The following EEF2KMT variants were observed in gnomAD, a reference collection of about 807,000 sequenced individuals.
EEF2KMT encodes eukaryotic elongation factor 2 lysine methyltransferase, also known as protein-lysine N-methyltransferase EEF2KMT.
In EEF2KMT, 30 loss-of-function variants were observed where a neutral mutation model predicts 35.1. That is an observed-to-expected ratio of 0.85 (90% CI 0.64 to 1.16). The LOEUF is 1.16. EEF2KMT is among the 50% of genes most tolerant of loss of function. The probability of loss-of-function intolerance (pLI) is 0.00; values close to 1 mark genes in which losing one functional copy is unlikely to be tolerated. For missense variants in EEF2KMT, 499 were observed against 438.2 expected (o/e 1.14, Z -1.24); for synonymous variants, 190 against 187.7 (o/e 1.01, Z -0.10).
intron 7 of EEF2KMT, among the ~76,000 whole-genome samples, chr16:5,088,508 G>A (rs531487320): frequency 6.6e-5 from 10 of 152,276 alleles, no homozygotes; most frequent in African/African-American, 2.2e-4. Context: ...CCAGGTGGCT[G>A]GGGTGCAGTC....
rs539465200 is a variant in EEF2KMT at position 5,097,723 on chromosome 16, T to C, written c.17A>G (p.Asn6Ser). Residue 6 changes from asparagine (N) to serine (S), a missense_variant, in exon 1 of 8, where the codon AAC becomes AGC. Asn to Ser is a conservative substitution (Grantham distance 46, BLOSUM62 1). Transcript: ENST00000427587. Reference protein sequence around the residue: MAPEENAGTELLLQSF... With the variant: MAPEESAGTELLLQSF... ...CTGCAGCAAGAGTTCGGTCCCCGCGTTCTCCTCGGGCGCCATGACGTGGGC... is the reference window on the plus strand; with the variant it reads ...CTGCAGCAAGAGTTCGGTCCCCGCGCTCTCCTCGGGCGCCATGACGTGGGC... 1.7e-5 allele frequency: 26 copies of C among 1,569,430 alleles called. No homozygotes were observed. Among genetic ancestry groups the C allele is most frequent in the Admixed American group, 9.1e-5 (5 of 54,688 alleles).
intron 2 of EEF2KMT, among the ~76,000 whole-genome samples, chr16:5,093,889 C>T (rs1441728439): frequency 2.6e-5 from 4 of 152,242 alleles, no homozygotes; most frequent in Admixed American, 1.3e-4. Context: ...CAGTCGCCAA[C>T]GGTCTGGCTC....
In EEF2KMT at chr16:5,085,057, C is replaced by G; in HGVS notation, c.*575G>C. 8.3e-7 allele frequency: 1 copy of G among 1,201,272 alleles called. No homozygotes were observed. The highest frequency in any genetic ancestry group is 1.2e-6 in the Non-Finnish European group (1 of 857,106). The allele number at this position is 1,201,272 out of a possible 1,614,324, so 74.4% of individuals were successfully genotyped here. ...CTGTGACCCGGGAAGCTTTGGTTGG[C>G]CTTGATTTCTTCTCTGGAGGCTTGG... On this transcript the variant is annotated 3_prime_UTR_variant, in exon 8 of 8. Transcript: ENST00000427587.
chr16:5,087,664 A>G (rs1168088725), intron 7 of EEF2KMT, among the ~76,000 whole-genome samples: 3 of 151,950 alleles, frequency 2.0e-5, no homozygotes, highest in South Asian at 4.2e-4. Context: ...CAGGTGTGGT[A>G]GCACGTGCCT....
intron 7 of EEF2KMT, 72 bp downstream of exon 7, chr16:5,089,035 C>A (rs770110507): frequency 1.2e-6 from 2 of 1,606,398 alleles, no homozygotes; most frequent in East Asian, 4.5e-5. Flanking sequence ...GCACCCAGTT[C>A]TTTCACTTCC....
Position 5,097,732 on chromosome 16 carries a change from G to A in EEF2KMT, c.8C>T (p.Pro3Leu). ...GAGTTCGGTCCCCGCGTTCTCCTCG[G>A]GCGCCATGACGTGGGCGGGGCCGCA... is the stretch of plus-strand genomic sequence containing the variant. MA[P>L]EENAGTELLL... The change falls in exon 1 of 8, where the codon CCC becomes CTC. Residue 3 changes from proline to leucine, a missense_variant. Pro to Leu is a moderately conservative substitution (Grantham distance 98). Transcript: ENST00000427587. 6.4e-7 allele frequency: 1 copy of A among 1,564,488 alleles called. No individual in the cohort carries two copies. The highest frequency in any genetic ancestry group is 8.6e-7 in the Non-Finnish European group (1 of 1,160,582).
rs997996402 is a variant in EEF2KMT, at chr16:5,084,562, C to T, written c.*1070G>A. On this transcript the variant is annotated 3_prime_UTR_variant, in exon 8 of 8. Transcript: ENST00000427587. ...GAAAGTGGGACATGCGGGGAAGTTT[C>T]CAGAAACTGTGATGTCAAGTTGGAG... is the stretch of plus-strand genomic sequence containing the variant. 1 of 956,098 alleles carries T rather than the reference C, an allele frequency of 1.0e-6. No homozygotes were observed. The highest frequency in any genetic ancestry group is 2.1e-5 in the Admixed American group (1 of 46,786). 59.2% of individuals were successfully genotyped at this position (956,098 alleles called of 1,614,324 possible).
At chr16:5,089,953 C>T in intron 6 of EEF2KMT, 131 bp downstream of exon 6, 1 of 1,471,646 alleles carries the variant, frequency 6.8e-7, no homozygotes, top group East Asian at 2.5e-5. Context: ...CCTGGAGGCC[C>T]AGAGTAACTC....
chr16:5,093,896 G>C (rs1957398394), intron 2 of EEF2KMT, among the ~76,000 whole-genome samples: 1 of 152,236 alleles, frequency 6.6e-6, no homozygotes, highest in African/African-American at 2.4e-5. Flanking sequence ...CAACGGTCTG[G>C]CTCTATGGAA....
At position 5,088,968 on chromosome 16, in the gene EEF2KMT, C is replaced by T. The variant is rs1486597293; in HGVS notation, c.892+139G>A. 2.5e-6 allele frequency: 4 copies of T among 1,569,482 alleles called. No homozygotes were observed. The East Asian group carries it at 6.7e-5, about 26-fold the overall frequency. On this transcript the variant is annotated intron_variant, in intron 7 of 7. Transcript: ENST00000427587. ...GCCCCAAGCCCACCCTGCTCACTGG[C>T]CTCTGCCTGAGTTCCCCCCATGGTG...
At chr16:5,093,404 A>C in intron 3 of EEF2KMT, 80 bp downstream of exon 3, 1 of 1,603,520 alleles carries the variant, frequency 6.2e-7, no homozygotes. Flanking sequence ...AAGCAGGCCC[A>C]GGGCCTGGGA....
At chr16:5,096,205 C>CTGCTTCATCA (rs1431116932) in intron 1 of EEF2KMT, among the ~76,000 whole-genome samples, 1 of 152,208 alleles carries the variant, frequency 6.6e-6, no homozygotes, top group Non-Finnish European at 1.5e-5. Context: ...ACCACTCAGG[C>CTGCTTCATCA]CCCAGTTCAA....
chr16:5,084,535 G>T lies in EEF2KMT; in HGVS notation c.*1097C>A. On this transcript the variant is annotated 3_prime_UTR_variant, in exon 8 of 8. Transcript: ENST00000427587. ...GGAGGTGCTCCAGGGCACCAAGTGT[G>T]GGAAAGTGGGACATGCGGGGAAGTT... is the stretch of plus-strand genomic sequence containing the variant. 1.3e-6 allele frequency: 1 copy of T among 757,088 alleles called. No homozygotes were observed. The highest frequency in any genetic ancestry group is 2.2e-6 in the Non-Finnish European group (1 of 460,726). 46.9% of individuals were successfully genotyped at this position (757,088 alleles called of 1,614,324 possible). A position where few individuals can be genotyped will look rare whatever the true frequency, so the allele number is the denominator to read the frequency against.
chr16:5,086,965 G>C (rs1272843561), intron 7 of EEF2KMT: 2 of 152,214 alleles, frequency 1.3e-5, no homozygotes, highest in African/African-American at 4.8e-5. Context: ...ACAGGCGTGA[G>C]ACACTGTGAC....
chr16:5,085,043 G>A lies in EEF2KMT; in HGVS notation c.*589C>T. On this transcript the variant is annotated 3_prime_UTR_variant, in exon 8 of 8. Coordinates refer to ENST00000427587, the MANE Select transcript of EEF2KMT (RefSeq NM_201400.4). Reference sequence around the variant, plus strand: ...TAAAAGAATTGGTTCTGTGACCCGGGAAGCTTTGGTTGGCCTTGATTTCTT... The same window carrying A: ...TAAAAGAATTGGTTCTGTGACCCGGAAAGCTTTGGTTGGCCTTGATTTCTT... 7.3e-7 allele frequency: 1 copy of A among 1,369,800 alleles called. No individual in the cohort carries two copies. The highest frequency in any genetic ancestry group is 1.4e-5 in the African/African-American group (1 of 69,744). The allele number at this position is 1,369,800 out of a possible 1,614,324, so 84.9% of individuals were successfully genotyped here. A position where few individuals can be genotyped will look rare whatever the true frequency, so the allele number is the denominator to read the frequency against.
At chr16:5,092,032 C>T (rs1239789253) in intron 3 of EEF2KMT, 137 bp from the exon 4 acceptor site, 12 of 1,489,064 alleles carry the variant, frequency 8.1e-6, no homozygotes, top group Admixed American at 2.2e-5. Context: ...AAAATATTCA[C>T]TTCGTTGGGC....
intron 3 of EEF2KMT, among the ~76,000 whole-genome samples, chr16:5,092,822 C>A (rs1053390799): frequency 3.9e-5 from 6 of 152,136 alleles, no homozygotes; most frequent in African/African-American, 1.4e-4. Context: ...ATTAGCCAGG[C>A]ATGGTGGCGT....
Position 5,084,618 on chromosome 16 carries a change from G to C in EEF2KMT, c.*1014C>G. 2.8e-6 allele frequency: 4 copies of C among 1,412,904 alleles called. No individual in the cohort carries two copies. Among genetic ancestry groups the C allele is most frequent in the Non-Finnish European group, 3.9e-6 (4 of 1,029,808 alleles). The allele number at this position is 1,412,904 out of a possible 1,614,324, so 87.5% of individuals were successfully genotyped here. ...GTGCTGCTGGGGTGTGAAGGGTCTC[G>C]AGTCCAAGTGAGGGAGTTAGGGACT... On this transcript the variant is annotated 3_prime_UTR_variant, in exon 8 of 8. Coordinates refer to ENST00000427587, the MANE Select transcript of EEF2KMT (RefSeq NM_201400.4).
chr16:5,089,132 C>A lies in EEF2KMT; in HGVS notation c.867G>T (p.Thr289=), dbSNP rs377597702. 2.6e-5 allele frequency: 42 copies of A among 1,612,792 alleles called. No homozygotes were observed. In the East Asian group the frequency reaches 7.8e-4, roughly 30 times the overall value. ...CTAGCTCGGTGGTGAACAGCTGGCACGTCTCTGGGTTGCGGACGGTAAAGG... is the reference window on the plus strand; with the variant it reads ...CTAGCTCGGTGGTGAACAGCTGGCAAGTCTCTGGGTTGCGGACGGTAAAGG... ...YVAFTVRNPE[T]CQLFTTELGR... Residue 289 remains threonine, a synonymous_variant, in exon 7 of 8, where the codon ACG becomes ACT. Coordinates refer to ENST00000427587, the MANE Select transcript of EEF2KMT (RefSeq NM_201400.4).
Sources: allele counts gnomAD v4.1 joint callset (sites outside exome capture counted in the v4.1 genomes callset), GRCh38; gene constraint gnomAD v4.1.1; transcripts MANE v1.5; gene names NCBI Gene and HGNC (gene_info 2026-07-23, HGNC 2026-07-21).